Variants in HESX1 observed in about 807,000 individuals in gnomAD.
HESX1 encodes homeobox expressed in ES cells 1.
In HESX1, 11 loss-of-function variants were observed where a neutral mutation model predicts 22.5. The observed-to-expected ratio is 0.49, with a 90% CI of 0.31 to 0.81. The LOEUF is 0.81. Among genes scored for constraint, HESX1 ranks in the 30% least tolerant of loss-of-function variants. The probability of loss-of-function intolerance (pLI) is 0.05; values close to 1 mark genes in which losing one functional copy is unlikely to be tolerated. For synonymous variants in HESX1, 74 were observed against 76.5 expected (o/e 0.97, Z 0.17); for missense variants, 201 against 212.6 (o/e 0.95, Z 0.34).
At chr3:57,199,025 C>T in intron 1 of HESX1, 73 bp from the exon 2 acceptor site, 2 of 1,352,934 alleles carry the variant, frequency 1.5e-6, no homozygotes, top group Non-Finnish European at 2.1e-6. Context: ...GAGGTAGTTT[C>T]AGGAACTCAT....
intron 1 of HESX1, among the ~76,000 whole-genome samples, chr3:57,213,664 C>T (rs746837320): frequency 3.9e-5 from 6 of 152,174 alleles, no homozygotes; most frequent in East Asian, 1.9e-4. Flanking sequence ...CGGTGGCTCA[C>T]GCCTGTAATC....
intron 1 of HESX1, among the ~76,000 whole-genome samples, chr3:57,219,728 G>A (rs527819709): frequency 2.5e-4 from 38 of 152,194 alleles, no homozygotes; most frequent in African/African-American, 9.1e-4. Context: ...TCTTATAGAT[G>A]CTGAATATTA....
intron 1 of HESX1, among the ~76,000 whole-genome samples, chr3:57,223,309 AAATT>A (rs1462102213): frequency 6.6e-6 from 1 of 152,228 alleles, no homozygotes; most frequent in African/African-American, 2.4e-5. Flanking sequence ...CTGCTCAGAC[AAATT>A]AATTAATGTG....
Position 57,198,045 on chromosome 3 carries a change from T to A in HESX1, c.*152A>T. 1 of 639,492 alleles carries A rather than the reference T, an allele frequency of 1.6e-6. No individual in the cohort carries two copies. The highest frequency in any genetic ancestry group is 2.0e-5 in the South Asian group (1 of 51,044). The allele number at this position is 639,492 out of a possible 1,614,324, so 39.6% of individuals were successfully genotyped here. ...ACTAAAAGTGCCCAAATATGTACCA[T>A]GCTATAATAGTATTTACAATATATT... On this transcript the variant is annotated 3_prime_UTR_variant, in exon 4 of 4. Coordinates refer to ENST00000295934, the MANE Select transcript of HESX1 (RefSeq NM_003865.3).
upstream of HESX1, among the ~76,000 whole-genome samples, chr3:57,202,161 C>T (rs886446016): frequency 3.3e-5 from 5 of 152,014 alleles, no homozygotes; most frequent in South Asian, 2.1e-4. Context: ...CCTCGTGATC[C>T]GCCCGCTTCG....
rs111304953 is a variant in HESX1 at position 57,221,156 on chromosome 3, A to AT, written c.-111+5139dup. Among the ~76,000 whole-genome samples the AT allele has an allele frequency of 5.6e-3, 794 of 141,818 alleles. 2 individuals are homozygous for AT. The highest frequency in any genetic ancestry group is 0.01 in the South Asian group (45 of 4,404). The allele number at this position is 141,818 out of a possible 152,430, so 93.0% of individuals were successfully genotyped here. On this transcript the variant is annotated intron_variant, in intron 1 of 2. Coordinates refer to the HESX1 transcript ENST00000495160. ...AGCTGCCCCGGCTCTGTTTTCCCTA[A>AT]TTTTTTTTTTTTTTTGAGACAAGGC...
At chr3:57,203,017 G>A (rs1157762800), upstream of HESX1, among the ~76,000 whole-genome samples, 1 of 152,206 alleles carries the variant, frequency 6.6e-6, no homozygotes, top group Non-Finnish European at 1.5e-5. Flanking sequence ...GGAGAGCCAG[G>A]CTAGGCTGGA....
At chr3:57,210,326 T>G (rs767519737) in intron 1 of HESX1, among the ~76,000 whole-genome samples, 1 of 152,224 alleles carries the variant, frequency 6.6e-6, no homozygotes, top group Non-Finnish European at 1.5e-5. Context: ...TATTCATGTT[T>G]TGATAAATAT....
At chr3:57,216,183 T>C (rs976304110) in intron 1 of HESX1, among the ~76,000 whole-genome samples, 5 of 152,248 alleles carry the variant, frequency 3.3e-5, no homozygotes, top group African/African-American at 1.2e-4. Context: ...CAGTTCAGAA[T>C]CACACATTGT....
At chr3:57,222,913 A>G (rs2060622941) in intron 1 of HESX1, among the ~76,000 whole-genome samples, 1 of 152,172 alleles carries the variant, frequency 6.6e-6, no homozygotes, top group Non-Finnish European at 1.5e-5. Flanking sequence ...AATGAGCCCA[A>G]TCTTCTGATT....
Position 57,210,197 on chromosome 3 carries a change from TAGAG to T in HESX1, c.-110-10173_-110-10170del, listed in dbSNP as rs577475826. On this transcript the variant is annotated intron_variant, in intron 1 of 2. Transcript: ENST00000495160. ...AAAGAAAAGTCTGACATATTGACAT[TAGAG>T]AGAAGAGATTTTAGGAATAAAATTG... Among the ~76,000 whole-genome samples, 199 of 152,308 alleles carry T rather than the reference TAGAG, an allele frequency of 1.3e-3. 1 individual carries two copies. The highest frequency in any genetic ancestry group is 4.4e-3 in the African/African-American group (184 of 41,566).
chr3:57,227,501 C>G (rs1483755835), upstream of HESX1, among the ~76,000 whole-genome samples: 2 of 152,246 alleles, frequency 1.3e-5, no homozygotes, highest in Non-Finnish European at 2.9e-5. Flanking sequence ...CGCCGGCAAG[C>G]TGAGGAAGAG....
intron 1 of HESX1, among the ~76,000 whole-genome samples, chr3:57,223,601 AATT>A (rs1222707671): frequency 6.6e-6 from 1 of 152,128 alleles, no homozygotes; most frequent in Non-Finnish European, 1.5e-5. Flanking sequence ...TTTACCCTCC[AATT>A]GTCCAAAGCT....
intron 1 of HESX1, among the ~76,000 whole-genome samples, chr3:57,219,701 T>A (rs1017167395): frequency 6.6e-6 from 1 of 152,232 alleles, no homozygotes; most frequent in Non-Finnish European, 1.5e-5. Context: ...TTGCTTTTCC[T>A]TGTAAATTTG....
intron 1 of HESX1, among the ~76,000 whole-genome samples, chr3:57,212,557 C>CAAAAAAAAAAAAAAAAAA (rs56093005): frequency 1.2e-5 from 1 of 80,126 alleles, no homozygotes; most frequent in African/African-American, 5.5e-5. Context: ...GACTCTGTCT[C>CAAAAAAAAAAAAAAAAAA]AAAAAAAAAA....
At chr3:57,203,390 A>G (rs1204653472), upstream of HESX1, among the ~76,000 whole-genome samples, 1 of 152,148 alleles carries the variant, frequency 6.6e-6, no homozygotes, top group African/African-American at 2.4e-5. Flanking sequence ...TGGGAGATAG[A>G]ATAATTGAAT....
At chr3:57,207,114 A>AT (rs1336798199) in intron 1 of HESX1, among the ~76,000 whole-genome samples, 4 of 152,128 alleles carry the variant, frequency 2.6e-5, no homozygotes, top group Admixed American at 2.6e-4. Flanking sequence ...TGCCGGGCTA[A>AT]TTTTTTGTAT....
upstream of HESX1, among the ~76,000 whole-genome samples, chr3:57,227,454 C>T (rs1176425247): frequency 6.6e-6 from 1 of 152,244 alleles, no homozygotes; most frequent in Non-Finnish European, 1.5e-5. Flanking sequence ...GCCCCAAATT[C>T]CCCCGTGTGG....
chr3:57,226,230 CT>C (rs969005078), intron 1 of HESX1: 1 of 151,650 alleles, frequency 6.6e-6, no homozygotes, highest in Non-Finnish European at 1.5e-5. Flanking sequence ...ACTCCTGATT[CT>C]TAACAGTTGC....
Sources: allele counts gnomAD v4.1 joint callset (sites outside exome capture counted in the v4.1 genomes callset), GRCh38; gene constraint gnomAD v4.1.1; transcripts MANE v1.5; gene names NCBI Gene and HGNC (gene_info 2026-07-23, HGNC 2026-07-21).